DSCAML1: variants seen among roughly 807,000 people sequenced by gnomAD.
DSCAML1 encodes cell adhesion molecule DSCAML1.
In DSCAML1, 38 loss-of-function variants were observed where a neutral mutation model predicts 200.5. The observed-to-expected ratio is 0.19, with a 90% CI of 0.15 to 0.25. DSCAML1 has a LOEUF of 0.25. DSCAML1 is among the 10% of genes least tolerant of loss of function. DSCAML1 has a pLI of 1.00. For missense variants in DSCAML1, 2,223 were observed against 2,858.8 expected, an observed-to-expected ratio of 0.78 and a Z score of 5.07; for synonymous variants, 1,215 against 1,165.0, an observed-to-expected ratio of 1.04 and a Z score of -0.87.
intron 14 of DSCAML1, among the ~76,000 whole-genome samples, chr11:117,474,779 G>C (rs1314185999): frequency 6.7e-6 from 1 of 149,370 alleles, no homozygotes; most frequent in Middle Eastern, 3.2e-3. Context: ...TTTTGAGATG[G>C]AGTCTCGCTC....
intron 3 of DSCAML1, among the ~76,000 whole-genome samples, chr11:117,759,184 A>G (rs562033497): frequency 1.2e-4 from 18 of 152,292 alleles, no homozygotes; most frequent in African/African-American, 4.3e-4. Context: ...AGTGGCGTCT[A>G]TAAGAAATAC....
chr11:117,761,740 G>A lies in DSCAML1; in HGVS notation c.511+15051C>T, dbSNP rs994710718. Among the ~76,000 whole-genome samples the A allele has an allele frequency of 4.6e-5, 7 of 152,274 alleles. No homozygotes were observed. The South Asian group carries it at 6.2e-4, about 14-fold the overall frequency. ...TAAAAAATTAGCTGAGTGTGGTGGC[G>A]TGTGCCTGTAGTCCCAGCTACTTGG... is the stretch of plus-strand genomic sequence containing the variant. On this transcript the variant is annotated intron_variant, in intron 3 of 32. Transcript: ENST00000651296.
intron 3 of DSCAML1, chr11:117,611,550 T>C (rs940840932): frequency 1.3e-5 from 2 of 152,200 alleles, no homozygotes; most frequent in Admixed American, 6.5e-5. Context: ...ACCTTTTTAT[T>C]GAATGACTGA....
rs753992533 is a variant in DSCAML1 at position 117,469,975 on chromosome 11, C to T, written c.2959G>A (p.Asp987Asn). The T allele has an allele frequency of 8.7e-6, 14 of 1,603,176 alleles. No individual in the cohort carries two copies. The highest frequency in any genetic ancestry group is 4.0e-5 in the African/African-American group (3 of 74,734). The change falls in exon 16 of 33, where the codon GAT becomes AAT. Residue 987 changes from aspartate (D) to asparagine (N), a missense_variant. Physicochemically the swap from Asp to Asn is conservative, Grantham distance 23. Transcript: ENST00000651296. This position sits in a 1 kb window ranked among gnomAD's most constrained non-coding sequence, Gnocchi z 4.1. ...LTISTEEAAPDGPPMDVTLQP... is the reference protein window; with the variant it reads ...LTISTEEAAPNGPPMDVTLQP... ...AAGGTAACATCCATGGGGGGCCCAT[C>T]GGGAGCTGAGCAGGGTAGCGGGGAG...
Position 117,687,742 on chromosome 11 carries a change from C to T in DSCAML1, c.511+89049G>A, listed in dbSNP as rs147910265. 3.1e-3 allele frequency among the ~76,000 whole-genome samples: 469 copies of T among 152,122 alleles called. 2 individuals are homozygous for T. The highest frequency in any genetic ancestry group is 9.5e-3 in the African/African-American group (394 of 41,496). ...AAATCAGAGCTTAGAAGTGTAGTCTCTCTAGGCTTTAAGAGAAGACATCAA... is the reference window on the plus strand; with the variant it reads ...AAATCAGAGCTTAGAAGTGTAGTCTTTCTAGGCTTTAAGAGAAGACATCAA... On this transcript the variant is annotated intron_variant, in intron 3 of 32. Coordinates refer to ENST00000651296, the MANE Select transcript of DSCAML1 (RefSeq NM_020693.4).
chr11:117,489,122 A>G lies in DSCAML1; in HGVS notation c.2360-6960T>C, dbSNP rs2049139015. Among the ~76,000 whole-genome samples the G allele has an allele frequency of 6.6e-6, 1 of 152,218 alleles. No individual in the cohort carries two copies. The highest frequency in any genetic ancestry group is 2.4e-5 in the African/African-American group (1 of 41,456). ...ACCTCTAAGGGGGCTGGCCACCTCT[A>G]GCCATCTGTTTGTCTGCCACCCTTG... On this transcript the variant is annotated intron_variant, in intron 11 of 32. Coordinates refer to ENST00000651296, the MANE Select transcript of DSCAML1 (RefSeq NM_020693.4). This position sits in a 1 kb window ranked among gnomAD's most constrained non-coding sequence, Gnocchi z 4.8.
intron 3 of DSCAML1, among the ~76,000 whole-genome samples, chr11:117,645,775 A>G (rs2052509245): frequency 6.7e-6 from 1 of 149,024 alleles, no homozygotes; most frequent in African/African-American, 2.5e-5. Flanking sequence ...GGGGAGGGAT[A>G]GCATTGGGAG....
At chr11:117,487,339 AG>A (rs1431719908) in intron 11 of DSCAML1, among the ~76,000 whole-genome samples, 3 of 151,968 alleles carry the variant, frequency 2.0e-5, no homozygotes, top group African/African-American at 7.2e-5. Flanking sequence ...TGTGACAGAG[AG>A]GGGATTTCAA....
intron 3 of DSCAML1, among the ~76,000 whole-genome samples, chr11:117,566,191 C>T (rs1893900): frequency 0.37 from 55,629 of 152,064 alleles, 10,374 homozygotes; most frequent in Middle Eastern, 0.42. Context: ...GTGACTTGTA[C>T]AAAATTAGAG....
intron 20 of DSCAML1, among the ~76,000 whole-genome samples, chr11:117,445,067 C>G (rs967906885): frequency 3.3e-5 from 5 of 151,972 alleles, no homozygotes; most frequent in African/African-American, 9.7e-5. Context: ...CGCTCACAAG[C>G]ACACACACAT....
At chr11:117,472,265 G>A (rs1271751053) in intron 14 of DSCAML1, among the ~76,000 whole-genome samples, 1 of 152,196 alleles carries the variant, frequency 6.6e-6, no homozygotes, top group African/African-American at 2.4e-5. Flanking sequence ...TGGCCAGCCT[G>A]TAAGCTCAAA....
At chr11:117,720,510 G>T (rs1348067192) in intron 3 of DSCAML1, among the ~76,000 whole-genome samples, 2 of 152,220 alleles carry the variant, frequency 1.3e-5, no homozygotes, top group Non-Finnish European at 2.9e-5. Flanking sequence ...CTCTCCCAGG[G>T]CTCCAAGAGA....
At chr11:117,710,980 T>C (rs2053838809) in intron 3 of DSCAML1, among the ~76,000 whole-genome samples, 1 of 152,214 alleles carries the variant, frequency 6.6e-6, no homozygotes, top group African/African-American at 2.4e-5. Context: ...TCTACCTCTA[T>C]GCCCATCCTA....
chr11:117,649,061 G>A (rs1421450833), intron 3 of DSCAML1, among the ~76,000 whole-genome samples: 10 of 151,460 alleles, frequency 6.6e-5, no homozygotes, highest in South Asian at 2.1e-4. Context: ...GTGTGTGTGT[G>A]TGTGTGTGTG....
At chr11:117,715,573 T>C (rs1378394592) in intron 3 of DSCAML1, among the ~76,000 whole-genome samples, 1 of 152,206 alleles carries the variant, frequency 6.6e-6, no homozygotes, top group Non-Finnish European at 1.5e-5. Flanking sequence ...TACAGTCTGG[T>C]GATGCCGATT....
chr11:117,445,153 T>C (rs976945829), intron 20 of DSCAML1, among the ~76,000 whole-genome samples: 2 of 152,224 alleles, frequency 1.3e-5, no homozygotes, highest in African/African-American at 4.8e-5. Flanking sequence ...TCATGCCCCA[T>C]AGTGGGGCTG....
At chr11:117,672,102 G>GGAAAAAAAAAGAAAAAAAAAAAAAAA (rs1555196987) in intron 3 of DSCAML1, among the ~76,000 whole-genome samples, 25 of 94,480 alleles carry the variant, frequency 2.6e-4, no homozygotes, top group Non-Finnish European at 4.0e-4. Flanking sequence ...CTCCAGCTCA[G>GGAAAAAAAAAGAAAAAAAAAAAAAAA]AAAAAAAAAA....
chr11:117,545,422 A>C (rs1166828045), intron 3 of DSCAML1, among the ~76,000 whole-genome samples: 1 of 152,186 alleles, frequency 6.6e-6, no homozygotes, highest in Non-Finnish European at 1.5e-5. Flanking sequence ...AAATTTGTTT[A>C]GGCCACCCAG....
chr11:117,512,786 CA>C (rs2049663527), intron 8 of DSCAML1, among the ~76,000 whole-genome samples: 1 of 150,324 alleles, frequency 6.7e-6, no homozygotes, highest in Non-Finnish European at 1.5e-5. Context: ...CACACACACA[CA>C]CACACACACA....
Sources: allele counts gnomAD v4.1 joint callset (sites outside exome capture counted in the v4.1 genomes callset), GRCh38; gene constraint gnomAD v4.1.1; non-coding constraint Gnocchi (gnomAD v3.1); transcripts MANE v1.5; gene names NCBI Gene and HGNC (gene_info 2026-07-23, HGNC 2026-07-21).